Variants in ROBO2 observed in about 807,000 individuals in gnomAD.
ROBO2 encodes the protein roundabout guidance receptor 2.
ROBO2 carries 53 observed loss-of-function variants against 160.8 expected under a neutral mutation model. The ratio of observed to expected loss-of-function variants is 0.33; its 90% CI spans 0.26 to 0.41. The LOEUF is 0.41. ROBO2 is among the 10% of genes least tolerant of loss of function. The pLI is 1.00. For synonymous variants in ROBO2, 664 were observed against 611.7 expected, an observed-to-expected ratio of 1.09 and a Z score of -1.26; for missense variants, 1,577 against 1,722.4, an observed-to-expected ratio of 0.92 and a Z score of 1.49.
chr3:77,390,836 G>A (rs1364735593), intron 2 of ROBO2, among the ~76,000 whole-genome samples: 2 of 152,030 alleles, frequency 1.3e-5, no homozygotes, highest in African/African-American at 4.8e-5. Flanking sequence ...GTTCTTATTG[G>A]AATCATTGCC....
At chr3:77,585,922 T>G (rs1420141790) in intron 16 of ROBO2, among the ~76,000 whole-genome samples, 1 of 152,106 alleles carries the variant, frequency 6.6e-6, no homozygotes, top group African/African-American at 2.4e-5. Flanking sequence ...ATTTCCCCTT[T>G]GTTTTAATTA....
intron 2 of ROBO2, among the ~76,000 whole-genome samples, chr3:76,807,482 C>G (rs972239306): frequency 6.6e-6 from 1 of 152,048 alleles, no homozygotes. Flanking sequence ...GATAAGAACA[C>G]CTGCTAATGG....
intron 2 of ROBO2, among the ~76,000 whole-genome samples, chr3:77,469,467 T>C (rs2083130058): frequency 6.6e-6 from 1 of 151,944 alleles, no homozygotes; most frequent in African/African-American, 2.4e-5. Context: ...TGGTAACTGG[T>C]GGTGGTGGTG....
intron 5 of ROBO2, among the ~76,000 whole-genome samples, chr3:77,499,651 CTTTTT>C (rs548250821): frequency 1.5e-5 from 2 of 135,874 alleles, no homozygotes; most frequent in East Asian, 2.1e-4. Flanking sequence ...ATCACTTACG[CTTTTT>C]TTTTTTTTTT....
At chr3:76,819,688 T>C (rs1245491668) in intron 2 of ROBO2, among the ~76,000 whole-genome samples, 1 of 152,066 alleles carries the variant, frequency 6.6e-6, no homozygotes, top group Non-Finnish European at 1.5e-5. Context: ...TCAACCTCCG[T>C]ATTAGAGAAA....
chr3:76,688,941 G>A (rs376317453), intron 2 of ROBO2, among the ~76,000 whole-genome samples: 3 of 151,946 alleles, frequency 2.0e-5, no homozygotes, highest in South Asian at 4.2e-4. Flanking sequence ...TAATCTCATA[G>A]GCATAAAGAA....
intron 2 of ROBO2, among the ~76,000 whole-genome samples, chr3:76,746,676 C>T (rs569625907): frequency 2.0e-5 from 3 of 152,132 alleles, no homozygotes; most frequent in South Asian, 2.1e-4. Context: ...TTCCAGGGTA[C>T]ATAGGCAGGA....
chr3:77,070,434 TTCTA>T (rs751708606), intron 1 of ROBO2, among the ~76,000 whole-genome samples: 4 of 152,084 alleles, frequency 2.6e-5, no homozygotes, highest in Non-Finnish European at 5.9e-5. Context: ...GTGTGTCTTT[TTCTA>T]TCTAAGGACA....
At chr3:76,706,416 T>C (rs2093164681) in intron 2 of ROBO2, among the ~76,000 whole-genome samples, 1 of 152,028 alleles carries the variant, frequency 6.6e-6, no homozygotes, top group South Asian at 2.1e-4. Flanking sequence ...GAAAATGTTA[T>C]CATATTTTGA....
intron 2 of ROBO2, among the ~76,000 whole-genome samples, chr3:76,551,460 G>T (rs1386854062): frequency 6.6e-6 from 1 of 152,030 alleles, no homozygotes; most frequent in Non-Finnish European, 1.5e-5. Context: ...TCCTGGACGT[G>T]GGACAAGAAC....
intron 2 of ROBO2, among the ~76,000 whole-genome samples, chr3:77,440,970 T>C (rs1289849545): frequency 6.6e-6 from 1 of 152,140 alleles, no homozygotes; most frequent in Non-Finnish European, 1.5e-5. Context: ...ATTTTCTCTT[T>C]TCTTGCCCTA....
intron 2 of ROBO2, among the ~76,000 whole-genome samples, chr3:76,247,874 A>G (rs1387185812): frequency 1.3e-5 from 2 of 152,038 alleles, no homozygotes; most frequent in East Asian, 1.9e-4. Context: ...TATGCAGCCA[A>G]AAAACACATG....
intron 2 of ROBO2, among the ~76,000 whole-genome samples, chr3:76,691,305 G>T (rs1378251760): frequency 1.3e-5 from 2 of 152,040 alleles, no homozygotes; most frequent in Non-Finnish European, 2.9e-5. Context: ...GTCCAACAAT[G>T]TTGGACTTGC....
At chr3:77,295,206 G>A (rs1317771507) in intron 2 of ROBO2, among the ~76,000 whole-genome samples, 3 of 147,410 alleles carry the variant, frequency 2.0e-5, no homozygotes, top group East Asian at 4.1e-4. Context: ...TAAAATTGAC[G>A]ATTAAACGGT....
At chr3:76,017,243 T>C (rs1370372274) in intron 2 of ROBO2, among the ~76,000 whole-genome samples, 1 of 152,062 alleles carries the variant, frequency 6.6e-6, no homozygotes, top group Non-Finnish European at 1.5e-5. Context: ...CGACTAACAA[T>C]CCCTCTAGTT....
intron 2 of ROBO2, among the ~76,000 whole-genome samples, chr3:76,531,086 C>T (rs991575333): frequency 6.6e-6 from 1 of 152,108 alleles, no homozygotes; most frequent in Non-Finnish European, 1.5e-5. Context: ...TCATAAAATT[C>T]TACTGAAAAT....
intron 2 of ROBO2, among the ~76,000 whole-genome samples, chr3:76,087,790 G>T (rs971424789): frequency 9.9e-5 from 15 of 151,898 alleles, no homozygotes; most frequent in Non-Finnish European, 2.1e-4. Flanking sequence ...GTGTTATAAA[G>T]TTCACACACT....
At chr3:76,860,859 C>T (rs1256900929) in intron 2 of ROBO2, among the ~76,000 whole-genome samples, 1 of 152,118 alleles carries the variant, frequency 6.6e-6, no homozygotes, top group Admixed American at 6.6e-5. Context: ...TTTTCTGATT[C>T]CTTCTTTCAC....
chr3:77,587,405 C>T (rs1428218992), intron 16 of ROBO2, among the ~76,000 whole-genome samples: 1 of 152,094 alleles, frequency 6.6e-6, no homozygotes, highest in East Asian at 1.9e-4. Flanking sequence ...GTGAGGTAAA[C>T]AAGTGAATTG....
Sources: allele counts gnomAD v4.1 joint callset (sites outside exome capture counted in the v4.1 genomes callset), GRCh38; gene constraint gnomAD v4.1.1; transcripts MANE v1.5; gene names NCBI Gene and HGNC (gene_info 2026-07-23, HGNC 2026-07-21).